The following FAM13B variants were observed in gnomAD, a reference collection of about 807,000 sequenced individuals.
FAM13B encodes family with sequence similarity 13 member B, also known as protein FAM13B.
Under a neutral mutation model 117.3 loss-of-function variants are expected in FAM13B, and 60 were observed. The ratio of observed to expected loss-of-function variants is 0.51; its 90% CI spans 0.42 to 0.63. FAM13B has a LOEUF of 0.63. FAM13B is among the 30% of genes least tolerant of loss of function. The probability of loss-of-function intolerance (pLI) is 0.00; values close to 1 mark genes in which losing one functional copy is unlikely to be tolerated. For missense variants in FAM13B, 972 were observed against 1,091.9 expected, an observed-to-expected ratio of 0.89 and a Z score of 1.55; for synonymous variants, 332 against 356.1, an observed-to-expected ratio of 0.93 and a Z score of 0.76.
At chr5:138,043,596 C>T (rs1049168665) in intron 1 of FAM13B, among the ~76,000 whole-genome samples, 1 of 152,024 alleles carries the variant, frequency 6.6e-6, no homozygotes, top group Non-Finnish European at 1.5e-5. Context: ...CACGCCACCA[C>T]GCCCGGCTGA....
chr5:137,950,513 T>C (rs1263162408), intron 17 of FAM13B, among the ~76,000 whole-genome samples: 1 of 152,194 alleles, frequency 6.6e-6, no homozygotes, highest in Non-Finnish European at 1.5e-5. Context: ...ACTGAAGGGC[T>C]TGAAAAAGAA....
At chr5:137,942,136 C>A in intron 22 of FAM13B, 91 bp from the exon 23 acceptor site, 1 of 1,059,466 alleles carries the variant, frequency 9.4e-7, no homozygotes, top group East Asian at 2.5e-5. Flanking sequence ...TTAAAAGTGG[C>A]TGGGGAACTG....
chr5:137,940,097 A>T lies in FAM13B; in HGVS notation c.*128T>A. The T allele has an allele frequency of 6.2e-7, 1 of 1,614,180 alleles. No individual in the cohort carries two copies. ...ATCATTTGTTTTGTTTAGTGGCACC[A>T]CAACCAAGTACAAAATGAGATTCTC... On this transcript the variant is annotated 3_prime_UTR_variant, in exon 24 of 24. Transcript: ENST00000689681.
intron 13 of FAM13B, among the ~76,000 whole-genome samples, chr5:137,959,231 G>A (rs1767438177): frequency 6.6e-6 from 1 of 152,126 alleles, no homozygotes; most frequent in South Asian, 2.1e-4. Context: ...ATGATACTAA[G>A]GACAAGGTAA....
At chr5:137,979,999 TAAAAAAAAAAAA>T in intron 10 of FAM13B, among the ~76,000 whole-genome samples, 1 of 95,536 alleles carries the variant, frequency 1.0e-5, no homozygotes, top group South Asian at 3.9e-4. Flanking sequence ...CTGTCTCTAC[TAAAAAAAAAAAA>T]AAAAAAAAAA....
rs544445619 is a variant in FAM13B at position 137,949,012 on chromosome 5, A to G, written c.2103T>C (p.Leu701=). 2 of 1,614,018 alleles carry G rather than the reference A, an allele frequency of 1.2e-6. No individual in the cohort carries two copies. The highest frequency in any genetic ancestry group is 2.7e-5 in the African/African-American group (2 of 75,056). ...GTTTTTCTTTCAGTCTTTTAAGAAT[A>G]AGTTCAAGGGTTGCTTCTTTAGATG... ...KKPSKEATLE[L]ILKRLKEKRI... Residue 701 remains leucine (L), a synonymous_variant, in exon 18 of 24, where the codon CTT becomes CTC. Transcript: ENST00000689681.
At chr5:138,024,292 G>A (rs1787572744) in intron 1 of FAM13B, among the ~76,000 whole-genome samples, 1 of 152,076 alleles carries the variant, frequency 6.6e-6, no homozygotes, top group Middle Eastern at 3.2e-3. Context: ...TATAAGAAGA[G>A]GACAAGATAC....
chr5:138,039,600 T>A (rs1476028525), intron 1 of FAM13B: 1 of 83,116 alleles, frequency 1.2e-5, no homozygotes. Flanking sequence ...CATGCCCAGC[T>A]TTTTTTTTTT....
upstream of FAM13B, chr5:138,036,487 G>A (rs1284502712): frequency 2.2e-6 from 1 of 456,688 alleles, no homozygotes; most frequent in East Asian, 6.9e-5. Flanking sequence ...CCCTCAGACT[G>A]CAGGAGGTAC....
At chr5:138,030,108 C>T (rs1168416182) in intron 1 of FAM13B, among the ~76,000 whole-genome samples, 1 of 152,218 alleles carries the variant, frequency 6.6e-6, no homozygotes, top group Admixed American at 6.5e-5. Flanking sequence ...CTGGAACACT[C>T]TCCCACGCTT....
chr5:137,988,501 T>C (rs1282949973), intron 7 of FAM13B, among the ~76,000 whole-genome samples, 186 bp from the exon 8 acceptor site: 1 of 152,218 alleles, frequency 6.6e-6, no homozygotes, highest in Non-Finnish European at 1.5e-5. Context: ...TTTCAAATAT[T>C]AACCAAAGAA....
chr5:138,028,933 C>T (rs1436531620), intron 1 of FAM13B, among the ~76,000 whole-genome samples: 1 of 152,086 alleles, frequency 6.6e-6, no homozygotes, highest in African/African-American at 2.4e-5. Flanking sequence ...GCAGGAGAAT[C>T]GCTCGAAGCC....
At position 137,941,993 on chromosome 5, in the gene FAM13B, G is replaced by T; in HGVS notation, c.2641C>A (p.Arg881Ser). 6.2e-7 allele frequency: 1 copy of T among 1,613,962 alleles called. No individual in the cohort carries two copies. The highest frequency in any genetic ancestry group is 8.5e-7 in the Non-Finnish European group (1 of 1,179,980). Residue 881 changes from arginine to serine, a missense_variant, in exon 23 of 24, where the codon CGC (arginine) becomes AGC (serine). Physicochemically the swap from Arg to Ser is moderately radical, Grantham distance 110 (BLOSUM62 -1). Coordinates refer to ENST00000689681, the MANE Select transcript of FAM13B (RefSeq NM_001385994.1). ...TCTTCAAATTCCCGCAACGTTTTGC[G>T]TAGTTTCTTTTTTTCAGCTCTGGCT... ...WKARAEKKKL[R>S]KTLREFEEAF...
chr5:138,002,115 T>C (rs762916352), intron 7 of FAM13B, among the ~76,000 whole-genome samples: 1 of 152,168 alleles, frequency 6.6e-6, no homozygotes, highest in Non-Finnish European at 1.5e-5. Context: ...ATGATCTTAG[T>C]TTTTAAAACA....
At chr5:138,006,794 T>C (rs1450559224) in intron 7 of FAM13B, among the ~76,000 whole-genome samples, 196 bp downstream of exon 7, 3 of 152,164 alleles carry the variant, frequency 2.0e-5, no homozygotes, top group East Asian at 1.9e-4. Flanking sequence ...AGTTATGTTT[T>C]TGAAAAAAGG....
intron 1 of FAM13B, among the ~76,000 whole-genome samples, chr5:138,048,381 T>C (rs1322555702): frequency 3.3e-5 from 5 of 152,194 alleles, no homozygotes; most frequent in African/African-American, 7.2e-5. Flanking sequence ...TTGTTACTTA[T>C]AGTGGAGGGT....
rs1554117298 is a variant in FAM13B at position 137,956,706 on chromosome 5, A to AC, written c.1442-165_1442-164insG. ...ATTAAAAGAAATCACTACTAACTAG[A>AC]TTTTAACAAACACAAACATAACATT... On this transcript the variant is annotated intron_variant, in intron 13 of 23. Coordinates refer to ENST00000689681, the MANE Select transcript of FAM13B (RefSeq NM_001385994.1). Among the ~76,000 whole-genome samples the AC allele has an allele frequency of 2.0e-5, 3 of 150,926 alleles. No individual in the cohort carries two copies. The Admixed American group carries it at 2.0e-4, about 10-fold the overall frequency.
chr5:138,020,004 AT>A (rs1178063195), intron 2 of FAM13B: 3 of 980,116 alleles, frequency 3.1e-6, no homozygotes, highest in Non-Finnish European at 2.4e-6. Context: ...TAAAAAAGAA[AT>A]TTTTCATTTC....
At chr5:137,958,481 T>C (rs1030081385) in intron 13 of FAM13B, among the ~76,000 whole-genome samples, 4 of 151,694 alleles carry the variant, frequency 2.6e-5, no homozygotes, top group African/African-American at 9.7e-5. Flanking sequence ...CACACTCCAT[T>C]TGCGATCAGG....
Sources: gnomAD v4.1 joint callset for allele counts (sites outside exome capture counted in the v4.1 genomes callset) on GRCh38, gnomAD v4.1.1 for gene constraint, MANE v1.5 for transcripts, NCBI Gene and HGNC (gene_info 2026-07-23, HGNC 2026-07-21) for gene names.